CRPPA: variants seen among roughly 807,000 people sequenced by gnomAD.
The protein encoded by CRPPA is D-ribitol-5-phosphate cytidylyltransferase.
CRPPA carries 43 observed loss-of-function variants against 52.0 expected under a neutral mutation model. The ratio of observed to expected loss-of-function variants is 0.83; its 90% confidence interval spans 0.65 to 1.07. The LOEUF (loss-of-function observed/expected upper bound fraction) is 1.07, where lower values mean the gene tolerates loss of function less well. Among genes scored for constraint, CRPPA ranks in the 50% least tolerant of loss-of-function variants. CRPPA has a pLI of 0.00. For missense variants in CRPPA, 629 were observed against 551.7 expected (o/e 1.14, Z -1.40); for synonymous variants, 250 against 203.5 (o/e 1.23, Z -1.94).
chr7:16,192,647 G>A lies in CRPPA; in HGVS notation c.1251+23419C>T, dbSNP rs117320128. 2.8e-3 allele frequency among the ~76,000 whole-genome samples: 428 copies of A among 152,060 alleles called. 2 individuals are homozygous for A. Among genetic ancestry groups the A allele is most frequent in the Non-Finnish European group, 4.1e-3 (276 of 67,964 alleles). On this transcript the variant is annotated intron_variant, in intron 9 of 9. Transcript: ENST00000407010. The stretch of plus-strand genomic sequence containing the variant: ...AAATCTTTCTTAAATGGTTTCCATC[G>A]CTGAACATGTTTGAGATTCAACTTT...
chr7:16,364,019 T>G (rs1440195176), intron 3 of CRPPA, among the ~76,000 whole-genome samples: 1 of 152,082 alleles, frequency 6.6e-6, no homozygotes. Flanking sequence ...ATGTAACAGA[T>G]CTGAATGAAT....
At chr7:16,284,375 A>G (rs552536969) in intron 5 of CRPPA, among the ~76,000 whole-genome samples, 1 of 152,234 alleles carries the variant, frequency 6.6e-6, no homozygotes, top group South Asian at 2.1e-4. Context: ...AGGATTAGAT[A>G]ATGTGTAAAA....
At chr7:16,326,819 C>A (rs1785403730) in intron 3 of CRPPA, among the ~76,000 whole-genome samples, 1 of 152,084 alleles carries the variant, frequency 6.6e-6, no homozygotes, top group Non-Finnish European at 1.5e-5. Context: ...CAAAAAGGTA[C>A]AACAAACTTC....
At chr7:16,222,923 G>A (rs1367806027) in intron 8 of CRPPA, among the ~76,000 whole-genome samples, 1 of 152,036 alleles carries the variant, frequency 6.6e-6, no homozygotes, top group Admixed American at 6.6e-5. Flanking sequence ...CATCTTGAAC[G>A]TTTATCATTT....
intron 1 of CRPPA, among the ~76,000 whole-genome samples, chr7:16,416,652 T>C (rs1334421719): frequency 6.6e-6 from 1 of 150,570 alleles, no homozygotes; most frequent in African/African-American, 2.4e-5. Context: ...CTGCCCAACA[T>C]GGCAAAACCC....
chr7:16,221,711 G>A (rs1196036449), intron 8 of CRPPA, among the ~76,000 whole-genome samples: 2 of 151,944 alleles, frequency 1.3e-5, no homozygotes, highest in African/African-American at 2.4e-5. Context: ...ATTATCACTG[G>A]CCATCAGAGA....
intron 9 of CRPPA, among the ~76,000 whole-genome samples, chr7:16,170,297 C>T (rs1444721140): frequency 1.3e-5 from 2 of 152,090 alleles, no homozygotes; most frequent in African/African-American, 4.8e-5. Context: ...ATATTGGAAC[C>T]CAGTGTGTTC....
In CRPPA at chr7:16,258,788, C is replaced by A. The variant is rs571902097; in HGVS notation, c.1026+132G>T. The A allele has an allele frequency of 3.4e-4, 192 of 571,332 alleles. 1 individual carries two copies. The highest frequency in any genetic ancestry group is 3.3e-3 in the African/African-American group (170 of 51,662). The allele number at this position is 571,332 out of a possible 1,614,324, so 35.4% of individuals were successfully genotyped here. A position where few individuals can be genotyped will look rare whatever the true frequency, so the allele number is the denominator to read the frequency against. On this transcript the variant is annotated intron_variant, in intron 7 of 9. Transcript: ENST00000407010. ...CTTGTTGAAAGTATTATTTCTCTTTCAAAGATAAAATCTCCAAAAATGTGT... is the reference window on the plus strand; with the variant it reads ...CTTGTTGAAAGTATTATTTCTCTTTAAAAGATAAAATCTCCAAAAATGTGT...
intron 3 of CRPPA, among the ~76,000 whole-genome samples, chr7:16,371,802 G>C (rs1786755993): frequency 6.6e-6 from 1 of 151,754 alleles, no homozygotes; most frequent in Non-Finnish European, 1.5e-5. Flanking sequence ...ACAACTTAAA[G>C]ACTTTTTTTA....
At chr7:16,314,411 C>A (rs1185515983) in intron 3 of CRPPA, among the ~76,000 whole-genome samples, 1 of 152,016 alleles carries the variant, frequency 6.6e-6, no homozygotes, top group Non-Finnish European at 1.5e-5. Context: ...ATTCATTTCA[C>A]TATGTAAGCA....
intron 9 of CRPPA, among the ~76,000 whole-genome samples, chr7:16,212,889 G>C (rs1004388403): frequency 6.6e-6 from 1 of 151,308 alleles, no homozygotes; most frequent in Non-Finnish European, 1.5e-5. Flanking sequence ...ATAGTTTATG[G>C]GAAACTTTTA....
At chr7:16,265,641 G>C (rs956093696) in intron 6 of CRPPA, among the ~76,000 whole-genome samples, 2 of 152,148 alleles carry the variant, frequency 1.3e-5, no homozygotes, top group African/African-American at 4.8e-5. Context: ...TATATTAAAT[G>C]CTTGCTGTTA....
intron 2 of CRPPA, among the ~76,000 whole-genome samples, chr7:16,398,462 G>A (rs1415038467): frequency 2.6e-5 from 4 of 152,032 alleles, no homozygotes; most frequent in Middle Eastern, 3.2e-3. Context: ...TGACTCACGT[G>A]TGCGATTGAC....
At chr7:16,320,332 A>G (rs900214073) in intron 3 of CRPPA, among the ~76,000 whole-genome samples, 2 of 152,182 alleles carry the variant, frequency 1.3e-5, no homozygotes, top group Admixed American at 6.5e-5. Context: ...GGTTATTAAC[A>G]TGAGGTAAAT....
At chr7:16,282,075 C>G (rs1253062592) in intron 5 of CRPPA, among the ~76,000 whole-genome samples, 6 of 151,830 alleles carry the variant, frequency 4.0e-5, no homozygotes, top group Non-Finnish European at 1.5e-5. Context: ...TCAGTATTTT[C>G]TTCCTTCCAC....
At chr7:16,123,606 A>G (rs1249526271) in intron 9 of CRPPA, among the ~76,000 whole-genome samples, 1 of 152,176 alleles carries the variant, frequency 6.6e-6, no homozygotes, top group South Asian at 2.1e-4. Flanking sequence ...TGTAATAGTG[A>G]TGATAAACTC....
chr7:16,271,718 T>C (rs929595144), intron 6 of CRPPA, among the ~76,000 whole-genome samples: 1 of 152,186 alleles, frequency 6.6e-6, no homozygotes, highest in African/African-American at 2.4e-5. Flanking sequence ...CCACTCCCAA[T>C]CTAAGTCACT....
At chr7:16,270,422 T>A (rs1036155434) in intron 6 of CRPPA, 21 of 152,244 alleles carry the variant, frequency 1.4e-4, no homozygotes, top group African/African-American at 3.1e-4. Context: ...CTCCCTCAAT[T>A]AATATTTTAA....
rs73291884 is a variant in CRPPA at position 16,143,148 on chromosome 7, C to T, written c.1252-51349G>A. Among the ~76,000 whole-genome samples, 950 of 152,286 alleles carry T rather than the reference C, an allele frequency of 6.2e-3. 13 individuals are homozygous for T. Among genetic ancestry groups the T allele is most frequent in the African/African-American group, 0.022 (911 of 41,542 alleles). ...AAGTCTGCATCACAATCATTACCAC[C>T]ATCACCATTATTATCACATCTTAGA... is the stretch of plus-strand genomic sequence containing the variant. On this transcript the variant is annotated intron_variant, in intron 9 of 9. Transcript: ENST00000407010.
Sources: gnomAD v4.1 joint callset for allele counts (sites outside exome capture counted in the v4.1 genomes callset) on GRCh38, gnomAD v4.1.1 for gene constraint, MANE v1.5 for transcripts, NCBI Gene and HGNC (gene_info 2026-07-23, HGNC 2026-07-21) for gene names.